Variants in ABR observed in about 807,000 individuals in gnomAD.
ABR encodes the protein active breakpoint cluster region-related protein.
In ABR, 35 loss-of-function variants were observed where a neutral mutation model predicts 107.2. The ratio of observed to expected loss-of-function variants is 0.33; its 90% CI spans 0.25 to 0.43. The LOEUF is 0.43. Ranked by LOEUF, ABR falls within the 20% of genes least tolerant of loss-of-function variation. The pLI is 1.00. For missense variants in ABR, 815 were observed against 1,115.2 expected (o/e 0.73, Z 3.83); for synonymous variants, 498 against 462.0 (o/e 1.08, Z -1.00).
intron 16 of ABR, among the ~76,000 whole-genome samples, chr17:1,046,249 C>A (rs1030772437): frequency 5.2e-5 from 7 of 133,460 alleles, no homozygotes; most frequent in African/African-American, 1.7e-4. Context: ...CCTAATCCGC[C>A]CGCCTCGGCC....
In ABR at chr17:1,179,380, C is replaced by T. The variant is rs902430732; in HGVS notation, c.61+287G>A. On this transcript the variant is annotated intron_variant, in intron 1 of 22. Coordinates refer to ENST00000302538, the MANE Select transcript of ABR (RefSeq NM_021962.5). This position sits in a 1 kb window ranked among gnomAD's most constrained non-coding sequence, Gnocchi z 4.9. ...GTGGGAGGGGGGACGCAGCTCTCGG[C>T]TCGGTCCGCCCACGGTCCCCGCCCC... 3.3e-5 allele frequency among the ~76,000 whole-genome samples: 5 copies of T among 152,102 alleles called. No individual in the cohort carries two copies. The highest frequency in any genetic ancestry group is 1.2e-4 in the African/African-American group (5 of 41,418).
intron 1 of ABR, among the ~76,000 whole-genome samples, chr17:1,129,031 A>G (rs937753108): frequency 6.6e-6 from 1 of 152,236 alleles, no homozygotes; most frequent in Non-Finnish European, 1.5e-5. Flanking sequence ...TAACTGACCC[A>G]GGTGATCTTC....
At chr17:1,083,072 C>T (rs889361208) in intron 5 of ABR, among the ~76,000 whole-genome samples, 6 of 148,058 alleles carry the variant, frequency 4.1e-5, no homozygotes, top group African/African-American at 7.5e-5. Context: ...TGCAGTGAGC[C>T]GAGACCGCGC....
chr17:1,111,137 G>A (rs1466626282), intron 2 of ABR, among the ~76,000 whole-genome samples: 5 of 152,152 alleles, frequency 3.3e-5, no homozygotes, highest in African/African-American at 9.7e-5. Flanking sequence ...AACCCCACAG[G>A]CCCCTGCTGT....
intron 16 of ABR, among the ~76,000 whole-genome samples, chr17:1,021,458 TC>T (rs2071624181): frequency 6.6e-6 from 1 of 152,168 alleles, no homozygotes; most frequent in Non-Finnish European, 1.5e-5. Context: ...AGCCCCGGCA[TC>T]CCAGAATGCG....
chr17:1,042,081 T>C (rs2030626603), intron 16 of ABR, among the ~76,000 whole-genome samples: 1 of 152,200 alleles, frequency 6.6e-6, no homozygotes, highest in African/African-American at 2.4e-5. Context: ...AAGGAGGCTG[T>C]GCTGTCTCCA....
rs2150955723 is a variant in ABR, at chr17:1,037,025, T to TTCCACCCATCCATCCATCCA, written c.1791+13024_1791+13025insTGGATGGATGGATGGGTGGA. 1.4e-5 allele frequency among the ~76,000 whole-genome samples: 2 copies of TTCCACCCATCCATCCATCCA among 144,252 alleles called. No individual in the cohort carries two copies. The highest frequency in any genetic ancestry group is 5.1e-4 in the South Asian group (2 of 3,888). The allele number at this position is 144,252 out of a possible 152,430, so 94.6% of individuals were successfully genotyped here. A position where few individuals can be genotyped will look rare whatever the true frequency, so the allele number is the denominator to read the frequency against. Reference sequence around the variant, plus strand: ...CTTCCTTCCTTCCATCCTTCCTTCCTTCCATCCATCCACCCATCCATCCAT... The same window carrying TTCCACCCATCCATCCATCCA: ...CTTCCTTCCTTCCATCCTTCCTTCCTTCCACCCATCCATCCATCCATCCATCCATCCACCCATCCATCCAT... On this transcript the variant is annotated intron_variant, in intron 16 of 22. Transcript: ENST00000302538. The surrounding 1 kb of genome is among the most constrained non-coding windows in gnomAD (Gnocchi z 4.6).
intron 2 of ABR, among the ~76,000 whole-genome samples, chr17:1,106,480 C>T (rs1334151910): frequency 6.6e-6 from 1 of 151,178 alleles, no homozygotes; most frequent in African/African-American, 2.4e-5. Context: ...GAAGTGGTCC[C>T]TTCTCCCCTG....
Position 1,222,074 on chromosome 17 carries a change from C to CTTTTTTTTTT in ABR, c.838+6718_838+6719insAAAAAAAAAA, listed in dbSNP as rs1488404002. ...ATAACAGCACCATGGAGGATCCCATCTTTTTTTCTGAGACGGAGTTTCACC... is the reference window on the plus strand; with the variant it reads ...ATAACAGCACCATGGAGGATCCCATCTTTTTTTTTTTTTTTTTCTGAGACGGAGTTTCACC... On this transcript the variant is annotated intron_variant, in intron 1 of 22. Coordinates refer to the ABR transcript ENST00000574139. 3.9e-4 allele frequency among the ~76,000 whole-genome samples: 56 copies of CTTTTTTTTTT among 144,820 alleles called. 4 individuals carry two copies. The highest frequency in any genetic ancestry group is 5.6e-4 in the African/African-American group (22 of 39,114).
At chr17:1,182,617 C>T (rs1200445484), upstream of ABR, among the ~76,000 whole-genome samples, 3 of 152,186 alleles carry the variant, frequency 2.0e-5, no homozygotes, top group Non-Finnish European at 4.4e-5. Flanking sequence ...CCGCCCGCCT[C>T]GGCCTCCCAA....
At chr17:1,214,733 G>A (rs541787718) in intron 1 of ABR, among the ~76,000 whole-genome samples, 14 of 151,820 alleles carry the variant, frequency 9.2e-5, no homozygotes, top group African/African-American at 2.7e-4. Context: ...CCTGGGAGGC[G>A]GATGTTGCAG....
intron 14 of ABR, among the ~76,000 whole-genome samples, chr17:1,053,609 G>A (rs1216022629): frequency 6.6e-6 from 1 of 152,152 alleles, no homozygotes; most frequent in Non-Finnish European, 1.5e-5. Flanking sequence ...AGTTTACCAC[G>A]GCTGAAGACA....
intron 16 of ABR, among the ~76,000 whole-genome samples, chr17:1,017,979 C>T (rs56235381): frequency 0.31 from 47,056 of 151,878 alleles, 8,262 homozygotes; most frequent in African/African-American, 0.43. Flanking sequence ...AGTGATCCTC[C>T]TGCCTCAGCC....
At chr17:1,016,152 C>T (rs549041773) in intron 16 of ABR, among the ~76,000 whole-genome samples, 5 of 152,244 alleles carry the variant, frequency 3.3e-5, no homozygotes, top group Admixed American at 6.5e-5. Context: ...CGCCTTAAAT[C>T]GCATATATAC....
chr17:1,108,332 G>A (rs570367398), intron 2 of ABR, among the ~76,000 whole-genome samples: 81 of 152,238 alleles, frequency 5.3e-4, no homozygotes, highest in African/African-American at 1.8e-3. Context: ...CCTACAGGAC[G>A]GGTCACTGCT....
At chr17:1,225,675 A>C (rs1218244763) in intron 1 of ABR, among the ~76,000 whole-genome samples, 1 of 152,132 alleles carries the variant, frequency 6.6e-6, no homozygotes, top group Non-Finnish European at 1.5e-5. Flanking sequence ...AAGAAAGAAG[A>C]AGCAACTCAA....
In ABR at chr17:1,012,727, T is replaced by C. The variant is rs778887869; in HGVS notation, c.1922A>G (p.Gln641Arg). Residue 641 changes from glutamine (Q) to arginine (R), a missense_variant, in exon 18 of 23, where the codon CAG becomes CGG. This residue lies in a region of ABR where 175 missense variants were observed against 284.3 expected (regional missense o/e 0.62). Transcript: ENST00000302538. ...MSLKRTPSKK[Q>R]TGVFGVKISV... Reference sequence around the variant, plus strand: ...GATCTTCACACCGAAGACGCCGGTCTGCTTTTTGGACGGGGTCCTCTTCAG... The same window carrying C: ...GATCTTCACACCGAAGACGCCGGTCCGCTTTTTGGACGGGGTCCTCTTCAG... The C allele has an allele frequency of 1.3e-6, 2 of 1,596,604 alleles. No individual in the cohort carries two copies. The highest frequency in any genetic ancestry group is 1.7e-6 in the Non-Finnish European group (2 of 1,170,810).
rs542531389 is a variant in ABR at position 1,035,810 on chromosome 17, A to T, written c.1791+14240T>A. 1.5e-4 allele frequency among the ~76,000 whole-genome samples: 22 copies of T among 149,746 alleles called. No individual in the cohort carries two copies. In the East Asian group the frequency reaches 4.1e-3, roughly 28 times the overall value. ...CCCCAGGCTCTCTGCAAGGGGAGTG[A>T]GAGGGGCTGTCCCCGGGGAGACGTG... is the stretch of plus-strand genomic sequence containing the variant. On this transcript the variant is annotated intron_variant, in intron 16 of 22. Transcript: ENST00000302538.
chr17:1,057,364 GTGGTGTA>G, intron 12 of ABR, among the ~76,000 whole-genome samples: 2 of 113,796 alleles, frequency 1.8e-5, no homozygotes, highest in Admixed American at 9.7e-5. Flanking sequence ...GTGTGTGTGT[GTGGTGTA>G]TGCGTTTTGT....
Sources: gnomAD v4.1 joint callset for allele counts (sites outside exome capture counted in the v4.1 genomes callset) on GRCh38, gnomAD v4.1.1 for gene constraint, gnomAD v4.1.1 regional missense constraint, Gnocchi (gnomAD v3.1) non-coding constraint, MANE v1.5 for transcripts, NCBI Gene and HGNC (gene_info 2026-07-23, HGNC 2026-07-21) for gene names.